SORBS2: variants seen among roughly 807,000 people sequenced by gnomAD.
The protein encoded by SORBS2 is sorbin and SH3 domain-containing protein 2.
SORBS2 carries 46 observed loss-of-function variants against 97.7 expected under a neutral mutation model. The ratio of observed to expected loss-of-function variants is 0.47; its 90% confidence interval spans 0.37 to 0.60. The LOEUF (loss-of-function observed/expected upper bound fraction) is 0.60, where lower values mean the gene tolerates loss of function less well. Ranked by LOEUF, SORBS2 falls within the 20% of genes least tolerant of loss-of-function variation. The probability of loss-of-function intolerance (pLI) is 0.00; values close to 1 mark genes in which losing one functional copy is unlikely to be tolerated. For synonymous variants in SORBS2, 476 were observed against 473.4 expected (o/e 1.01, Z -0.07); for missense variants, 1,316 against 1,282.3 (o/e 1.03, Z -0.40).
intron 5 of SORBS2, among the ~76,000 whole-genome samples, chr4:185,629,560 A>ATTTTTTTTTT (rs201590422): frequency 2.2e-5 from 3 of 134,094 alleles, no homozygotes; most frequent in Non-Finnish European, 3.1e-5. Flanking sequence ...GAATTTTGTG[A>ATTTTTTTTTT]TTTGTTTTTT....
At chr4:185,667,662 G>A (rs1411266794) in intron 4 of SORBS2, among the ~76,000 whole-genome samples, 1 of 142,292 alleles carries the variant, frequency 7.0e-6, no homozygotes, top group Non-Finnish European at 1.5e-5. Flanking sequence ...TTTTTTTCTT[G>A]TTTAAACATA....
Position 185,938,030 on chromosome 4 carries a change from G to C in SORBS2, c.-338+18166C>G, listed in dbSNP as rs868748831. On this transcript the variant is annotated intron_variant, in intron 1 of 20. Coordinates refer to the SORBS2 transcript ENST00000284776. ...ATTCTTTTTTTTTTTTTTTTTTTGA[G>C]ATGGGGTCTTGCTCTGTCACCCAGG... Among the ~76,000 whole-genome samples, 2 of 113,410 alleles carry C rather than the reference G, an allele frequency of 1.8e-5. 1 individual carries two copies. Among genetic ancestry groups the C allele is most frequent in the South Asian group, 5.6e-4 (2 of 3,542 alleles). 74.4% of individuals were successfully genotyped at this position (113,410 alleles called of 152,430 possible). A position where few individuals can be genotyped will look rare whatever the true frequency, so the allele number is the denominator to read the frequency against.
chr4:185,836,661 G>A (rs551868000), intron 1 of SORBS2, among the ~76,000 whole-genome samples: 1 of 152,188 alleles, frequency 6.6e-6, no homozygotes, highest in South Asian at 2.1e-4. Flanking sequence ...AGAAAGTGGC[G>A]GGGTCTCTAT....
chr4:185,943,589 C>G (rs1319335323), intron 1 of SORBS2, among the ~76,000 whole-genome samples: 1 of 152,070 alleles, frequency 6.6e-6, no homozygotes, highest in Non-Finnish European at 1.5e-5. Flanking sequence ...GTTCTCTTCA[C>G]AAAGTCAATG....
At chr4:185,784,261 A>G (rs1307972937) in intron 1 of SORBS2, among the ~76,000 whole-genome samples, 2 of 152,096 alleles carry the variant, frequency 1.3e-5, no homozygotes, top group East Asian at 3.9e-4. Flanking sequence ...CCTCCCGAGT[A>G]GCTGGGACTA....
At chr4:185,901,875 A>G (rs2099247963) in intron 1 of SORBS2, among the ~76,000 whole-genome samples, 1 of 152,210 alleles carries the variant, frequency 6.6e-6, no homozygotes. Flanking sequence ...TCATGTAACC[A>G]AATCATTTGA....
intron 1 of SORBS2, among the ~76,000 whole-genome samples, chr4:185,906,192 C>A (rs1176129292): frequency 1.3e-5 from 2 of 152,160 alleles, no homozygotes; most frequent in African/African-American, 4.8e-5. Context: ...CACCACCATG[C>A]CTGGGTAATT....
At chr4:185,678,454 G>C in exon 4 of SORBS2, 2 of 1,550,728 alleles carry the variant, frequency 1.3e-6, no homozygotes, top group Non-Finnish European at 1.7e-6. Flanking sequence ...TTGTAGGTTT[G>C]GTCGAACGCT....
At chr4:185,905,141 CAGCCTACCAGACCA>C (rs2099250061) in intron 1 of SORBS2, among the ~76,000 whole-genome samples, 1 of 151,928 alleles carries the variant, frequency 6.6e-6, no homozygotes, top group Non-Finnish European at 1.5e-5. Context: ...GAAACAGTGC[CAGCCTACCAGACCA>C]TCTGAAGTAG....
intron 2 of SORBS2, among the ~76,000 whole-genome samples, chr4:185,750,753 G>T (rs1191185133): frequency 6.6e-6 from 1 of 152,212 alleles, no homozygotes; most frequent in African/African-American, 2.4e-5. Context: ...ATGAGTGACA[G>T]ACAATTTGAA....
upstream of SORBS2, among the ~76,000 whole-genome samples, chr4:185,660,549 C>G (rs771451176): frequency 4.6e-5 from 7 of 152,200 alleles, no homozygotes; most frequent in East Asian, 1.3e-3. Context: ...ATAAGTCCCG[C>G]GGCTACCTTT....
chr4:185,692,693 C>A (rs768978798), intron 2 of SORBS2, among the ~76,000 whole-genome samples: 3 of 152,070 alleles, frequency 2.0e-5, no homozygotes, highest in Non-Finnish European at 4.4e-5. Flanking sequence ...AAGAAAATAA[C>A]ATTAAAAATA....
chr4:185,608,203 AT>A (rs1309670832), intron 12 of SORBS2, among the ~76,000 whole-genome samples: 3 of 152,160 alleles, frequency 2.0e-5, no homozygotes, highest in East Asian at 1.9e-4. Flanking sequence ...TTTCTCACTT[AT>A]GTTTGCAAGG....
chr4:185,862,046 A>T (rs1437012617), intron 1 of SORBS2, among the ~76,000 whole-genome samples: 1 of 152,226 alleles, frequency 6.6e-6, no homozygotes, highest in Non-Finnish European at 1.5e-5. Flanking sequence ...AGAGCATTAC[A>T]ACCACAGCAA....
chr4:185,702,286 G>A (rs2098274818), intron 2 of SORBS2, among the ~76,000 whole-genome samples: 1 of 152,084 alleles, frequency 6.6e-6, no homozygotes, highest in African/African-American at 2.4e-5. Context: ...CCTGGTGGAG[G>A]GGAGAAGGTT....
intron 2 of SORBS2, among the ~76,000 whole-genome samples, chr4:185,751,905 A>G (rs1476243376): frequency 6.6e-6 from 1 of 152,166 alleles, no homozygotes; most frequent in African/African-American, 2.4e-5. Flanking sequence ...GTGGTGCTCA[A>G]CCATGGCGAT....
chr4:185,769,982 TG>T (rs1443445689), intron 2 of SORBS2, among the ~76,000 whole-genome samples: 1 of 152,048 alleles, frequency 6.6e-6, no homozygotes, highest in Non-Finnish European at 1.5e-5. Context: ...CACTGTACAC[TG>T]TATTTTTTTT....
intron 2 of SORBS2, among the ~76,000 whole-genome samples, chr4:185,728,113 C>T (rs1276775697): frequency 6.6e-6 from 1 of 152,002 alleles, no homozygotes; most frequent in Non-Finnish European, 1.5e-5. Context: ...TCTGAGTCTG[C>T]GGGTCTATCC....
In SORBS2 at chr4:185,938,835, A is replaced by G. The variant is rs75107836; in HGVS notation, c.-338+17361T>C. On this transcript the variant is annotated intron_variant, in intron 1 of 20. Coordinates refer to the SORBS2 transcript ENST00000284776. ...GCTCCTCTATTCTCCCCCTGTACAC[A>G]TGCCTGGCAATACACCAGTCTGTTT... Among the ~76,000 whole-genome samples the G allele has an allele frequency of 6.4e-3, 981 of 152,142 alleles. 7 individuals are homozygous for G. The highest frequency in any genetic ancestry group is 0.022 in the African/African-American group (894 of 41,494).
Sources: gnomAD v4.1 joint callset for allele counts (sites outside exome capture counted in the v4.1 genomes callset) on GRCh38, gnomAD v4.1.1 for gene constraint, MANE v1.5 for transcripts, NCBI Gene and HGNC (gene_info 2026-07-23, HGNC 2026-07-21) for gene names.